The following SYAP1 variants were observed in gnomAD, a reference collection of about 807,000 sequenced individuals.
SYAP1 encodes synapse associated protein 1.
SYAP1 carries 3 observed loss-of-function variants against 29.6 expected under a neutral mutation model. That is an observed-to-expected ratio of 0.10 (90% CI 0.05 to 0.26). SYAP1 has a LOEUF of 0.26. SYAP1 is among the 10% of genes least tolerant of loss of function. The pLI, the probability that SYAP1 is intolerant of heterozygous loss-of-function variation, is 1.00. For missense variants in SYAP1, 217 were observed against 264.1 expected, an observed-to-expected ratio of 0.82 and a Z score of 1.24; for synonymous variants, 102 against 102.7, an observed-to-expected ratio of 0.99 and a Z score of 0.04.
Position 16,754,900 on chromosome X carries a change from C to T in SYAP1, c.576-45C>T, listed in dbSNP as rs115850495. On this transcript the variant is annotated intron_variant, in intron 5 of 8. Coordinates refer to ENST00000380155, the MANE Select transcript of SYAP1 (RefSeq NM_032796.4). ...TGTCTGTCTGCTTTTTATTGATTTTCAATTTTGCCTTTTTCCACTGTTCTA... is the reference window on the plus strand; with the variant it reads ...TGTCTGTCTGCTTTTTATTGATTTTTAATTTTGCCTTTTTCCACTGTTCTA... 4,246 of 1,176,635 alleles carry T rather than the reference C, an allele frequency of 3.6e-3. 114 individuals are homozygous for T. The African/African-American group carries it at 0.065, about 18-fold the overall frequency.
At chrX:16,735,871 C>T (rs1377239180) in intron 2 of SYAP1, among the ~76,000 whole-genome samples, 3 of 112,539 alleles carry the variant, frequency 2.7e-5, no homozygotes, top group Non-Finnish European at 5.6e-5. Flanking sequence ...GTGATCCACC[C>T]GCCTTGCCCT....
At chrX:16,738,078 C>T (rs1926368722) in intron 3 of SYAP1, among the ~76,000 whole-genome samples, 1 of 111,514 alleles carries the variant, frequency 9.0e-6, no homozygotes, top group African/African-American at 3.3e-5. Flanking sequence ...TCACTGAGTG[C>T]CTGCTGAGCA....
At chrX:16,742,815 A>G (rs1018777769) in intron 4 of SYAP1, among the ~76,000 whole-genome samples, 2 of 107,302 alleles carry the variant, frequency 1.9e-5, no homozygotes, top group African/African-American at 3.4e-5. Context: ...GGTTCTCACT[A>G]TGTTTCCCAG....
chrX:16,721,602 A>T (rs1163516935), intron 1 of SYAP1, among the ~76,000 whole-genome samples: 3 of 111,634 alleles, frequency 2.7e-5, no homozygotes, highest in African/African-American at 9.8e-5. Context: ...ATCTCGGCTC[A>T]TTGCAACCTC....
intron 1 of SYAP1, among the ~76,000 whole-genome samples, chrX:16,722,981 C>T (rs1925999613): frequency 8.9e-6 from 1 of 112,541 alleles, no homozygotes; most frequent in Non-Finnish European, 1.9e-5. Flanking sequence ...ATCAGTCACA[C>T]AGTTTACATC....
At chrX:16,747,475 G>A (rs1160620769) in intron 5 of SYAP1, among the ~76,000 whole-genome samples, 1 of 112,272 alleles carries the variant, frequency 8.9e-6, no homozygotes. Context: ...GGCTCCTGCT[G>A]TGGCTCTCAA....
chrX:16,746,305 C>T (rs1363365620), intron 5 of SYAP1, among the ~76,000 whole-genome samples: 2 of 105,009 alleles, frequency 1.9e-5, no homozygotes, highest in African/African-American at 7.0e-5. Context: ...GGCGTGATCT[C>T]GGCTCACTGC....
At chrX:16,748,469 T>G (rs1410501543) in intron 5 of SYAP1, among the ~76,000 whole-genome samples, 1 of 112,558 alleles carries the variant, frequency 8.9e-6, no homozygotes, top group East Asian at 2.8e-4. Flanking sequence ...AACAAAACAC[T>G]TGCTCTGGAT....
At position 16,719,691 on chromosome X, in the gene SYAP1, G is replaced by A. The variant is rs771021064; in HGVS notation, c.-34G>A. On this transcript the variant is annotated 5_prime_UTR_variant, in exon 1 of 9. Transcript: ENST00000380155. ...CAACCAGTGCTCGCTGCGGTCTCTG[G>A]GGATCGGGACCGCGGCGGCGGCCCG... 3.3e-6 allele frequency: 4 copies of A among 1,195,933 alleles called. No individual in the cohort carries two copies. Among genetic ancestry groups the A allele is most frequent in the South Asian group, 1.8e-5 (1 of 54,915 alleles).
intron 1 of SYAP1, among the ~76,000 whole-genome samples, chrX:16,733,984 A>T (rs146135608): frequency 1.6e-4 from 18 of 111,532 alleles, no homozygotes; most frequent in African/African-American, 5.9e-4. Flanking sequence ...GTCTTTTCAC[A>T]TCTTCCAGAA....
chrX:16,731,756 A>G (rs1378750544), intron 1 of SYAP1, among the ~76,000 whole-genome samples: 2 of 111,709 alleles, frequency 1.8e-5, no homozygotes, highest in African/African-American at 6.5e-5. Context: ...CCTGGCCAAC[A>G]TGGTGAAACC....
chrX:16,765,033 A>G lies in SYAP1; in HGVS notation c.*4674A>G, dbSNP rs1927066028. On this transcript the variant is annotated 3_prime_UTR_variant, in exon 9 of 9. Transcript: ENST00000380155. ...AGAAATTTTGATATGGTTTATAATC[A>G]GTTTTATTGTGGGGAAGATGGGCCA... 1 of 112,121 alleles carries G rather than the reference A, an allele frequency of 8.9e-6. No homozygotes were observed. The highest frequency in any genetic ancestry group is 3.2e-5 in the African/African-American group (1 of 30,889). 9.2% of individuals were successfully genotyped at this position (112,121 alleles called of 1,213,427 possible).
Position 16,743,745 on chromosome X carries a change from T to G in SYAP1, c.480T>G (p.Phe160Leu). The G allele has an allele frequency of 8.3e-7, 1 of 1,211,058 alleles. No homozygotes were observed. The highest frequency in any genetic ancestry group is 1.8e-5 in the South Asian group (1 of 56,978). The change falls in exon 5 of 9, where the codon TTT becomes TTG. Residue 160 changes from phenylalanine (F) to leucine (L), a missense_variant. By Grantham distance (22) the Phe-to-Leu change is conservative. Coordinates refer to ENST00000380155, the MANE Select transcript of SYAP1 (RefSeq NM_032796.4). The stretch of plus-strand genomic sequence containing the variant: ...GTGACCCTCCGGCTGGCGTGCAATT[T>G]AATTTCGACTTTGATCAGATGTACC... ...FLRDPPAGVQ[F>L]NFDFDQMYPV...
In SYAP1 at chrX:16,762,884, GCTTTTTA is replaced by G. The variant is rs1379221419; in HGVS notation, c.*2534_*2540del. 5.8e-4 allele frequency: 65 copies of G among 111,631 alleles called. No individual in the cohort carries two copies. Among genetic ancestry groups the G allele is most frequent in the African/African-American group, 2.0e-3 (63 of 30,754 alleles). 9.2% of individuals were successfully genotyped at this position (111,631 alleles called of 1,213,427 possible). A position where few individuals can be genotyped will look rare whatever the true frequency, so the allele number is the denominator to read the frequency against. ...TCTCAGGGAAGCTGAGGTTTCTACT[GCTTTTTA>G]CTTTTTACCCTTCCACTAGATGTCC... On this transcript the variant is annotated 3_prime_UTR_variant, in exon 9 of 9. Coordinates refer to ENST00000380155, the MANE Select transcript of SYAP1 (RefSeq NM_032796.4).
rs191894268 is a variant in SYAP1 at position 16,732,360 on chromosome X, G to C, written c.176-2867G>C. ...ACTCTTGAGCTTTTGTTACATTCCA[G>C]CCTTTGCATAAGGTCACTGGCTTTT... On this transcript the variant is annotated intron_variant, in intron 1 of 8. Coordinates refer to ENST00000380155, the MANE Select transcript of SYAP1 (RefSeq NM_032796.4). Among the ~76,000 whole-genome samples the C allele has an allele frequency of 5.5e-3, 599 of 108,419 alleles. 6 individuals carry two copies. Among genetic ancestry groups the C allele is most frequent in the African/African-American group, 0.019 (574 of 29,936 alleles). 94.1% of individuals were successfully genotyped at this position (108,419 alleles called of 115,157 possible). A position where few individuals can be genotyped will look rare whatever the true frequency, so the allele number is the denominator to read the frequency against.
chrX:16,720,136 T>C (rs1925928015), intron 1 of SYAP1, among the ~76,000 whole-genome samples: 1 of 112,110 alleles, frequency 8.9e-6, no homozygotes, highest in Non-Finnish European at 1.9e-5. Context: ...GTGACAAGTC[T>C]ACAAAGTTTG....
At chrX:16,742,920 ATTTTTTTTT>A (rs761130108) in intron 4 of SYAP1, among the ~76,000 whole-genome samples, 3 of 62,992 alleles carry the variant, frequency 4.8e-5, no homozygotes, top group African/African-American at 1.9e-4. Context: ...GTCCGCTTCT[ATTTTTTTTT>A]TTTTTTTTTT....
chrX:16,741,767 A>C lies in SYAP1; in HGVS notation c.413A>C (p.Gln138Pro), dbSNP rs1926465496. 8.3e-7 allele frequency: 1 copy of C among 1,207,184 alleles called. No individual in the cohort carries two copies. The highest frequency in any genetic ancestry group is 1.1e-6 in the Non-Finnish European group (1 of 892,907). ...VDTNDEETIQ[Q>P]QILALSADKR... ...ACTAACGATGAAGAAACAATTCAAC[A>C]ACAAATTTTGGCCTTATCAGCTGTA... Residue 138 changes from glutamine (Q) to proline (P), a missense_variant, in exon 4 of 9, where the codon CAA becomes CCA. By Grantham distance (76) the Gln-to-Pro change is moderately conservative. Coordinates refer to ENST00000380155, the MANE Select transcript of SYAP1 (RefSeq NM_032796.4).
chrX:16,758,465 A>G (rs1926902447), intron 8 of SYAP1, among the ~76,000 whole-genome samples: 1 of 108,910 alleles, frequency 9.2e-6, no homozygotes, highest in African/African-American at 3.4e-5. Flanking sequence ...CTCCTGCCTC[A>G]GCCTCCCAGG....
Sources: allele counts gnomAD v4.1 joint callset (sites outside exome capture counted in the v4.1 genomes callset), GRCh38; gene constraint gnomAD v4.1.1; transcripts MANE v1.5; gene names NCBI Gene and HGNC (gene_info 2026-07-23, HGNC 2026-07-21).